GRAMD1B: variants seen among roughly 807,000 people sequenced by gnomAD.
The protein encoded by GRAMD1B is protein Aster-B.
Under a neutral mutation model 99.7 loss-of-function variants are expected in GRAMD1B, and 37 were observed. The ratio of observed to expected loss-of-function variants is 0.37; its 90% CI spans 0.29 to 0.49. The LOEUF (loss-of-function observed/expected upper bound fraction) is 0.49, where lower values mean the gene tolerates loss of function less well. Ranked by LOEUF, GRAMD1B falls within the 20% of genes least tolerant of loss-of-function variation. The pLI is 0.98. For missense variants in GRAMD1B, 888 were observed against 1,009.2 expected (o/e 0.88, Z 1.63); for synonymous variants, 427 against 387.6 (o/e 1.10, Z -1.19).
intron 1 of GRAMD1B, among the ~76,000 whole-genome samples, chr11:123,403,528 TTTTA>T (rs1947747854): frequency 6.6e-6 from 1 of 151,138 alleles, no homozygotes; most frequent in African/African-American, 2.4e-5. Flanking sequence ...TTGTTTTTTG[TTTTA>T]GTTTTTTGTT....
rs565779154 is a variant in GRAMD1B, at chr11:123,411,822, AT to A, written c.-176+53030del. Among the ~76,000 whole-genome samples the A allele has an allele frequency of 2.4e-4, 37 of 151,674 alleles. No homozygotes were observed. The South Asian group carries it at 6.5e-3, about 27-fold the overall frequency. ...ACCACCATGCTTGGGTAATTTTTGT[AT>A]TTTTTTGGTAGAGATGGGGTTTTGC... On this transcript the variant is annotated intron_variant, in intron 1 of 20. Transcript: ENST00000638157.
In GRAMD1B at chr11:123,605,436, C is replaced by T. The variant is rs1300473807; in HGVS notation, c.1281C>T (p.Asn427=). 1 of 1,613,362 alleles carries T rather than the reference C, an allele frequency of 6.2e-7. No homozygotes were observed. Among genetic ancestry groups the T allele is most frequent in the Non-Finnish European group, 8.5e-7 (1 of 1,179,602 alleles). ...AGCTGCCCAAGAAATCCATCACCAACAGCACACTAACATCCACAGGGAGCA... is the reference window on the plus strand; with the variant it reads ...AGCTGCCCAAGAAATCCATCACCAATAGCACACTAACATCCACAGGGAGCA... ...SPQLPKKSIT[N]STLTSTGSSE... is the part of the protein sequence containing the mutation. Residue 427 remains asparagine, a synonymous_variant, in exon 10 of 20, where the codon AAC becomes AAT. Transcript: ENST00000635736.
chr11:123,564,052 G>A (rs1292631743), intron 2 of GRAMD1B, among the ~76,000 whole-genome samples: 1 of 152,222 alleles, frequency 6.6e-6, no homozygotes, highest in African/African-American at 2.4e-5. Context: ...ATCCTGGTAG[G>A]CCAGTGAGGT....
chr11:123,372,233 C>T (rs929399197), intron 1 of GRAMD1B, among the ~76,000 whole-genome samples: 2 of 152,194 alleles, frequency 1.3e-5, no homozygotes, highest in Non-Finnish European at 2.9e-5. Flanking sequence ...CCCAATGATT[C>T]AGTTGTTACT....
At chr11:123,368,699 A>G (rs1241141159) in intron 1 of GRAMD1B, among the ~76,000 whole-genome samples, 2 of 150,294 alleles carry the variant, frequency 1.3e-5, no homozygotes, top group African/African-American at 4.9e-5. Flanking sequence ...AAAAAAAAAA[A>G]AAAGAAAGAA....
At chr11:123,437,022 C>A (rs539160038) in intron 1 of GRAMD1B, among the ~76,000 whole-genome samples, 1 of 152,070 alleles carries the variant, frequency 6.6e-6, no homozygotes, top group Non-Finnish European at 1.5e-5. Flanking sequence ...TTTGTCCTTG[C>A]GATAGTTTGC....
chr11:123,578,340 A>G, intron 3 of GRAMD1B: 1 of 1,308,744 alleles, frequency 7.6e-7, no homozygotes, highest in Non-Finnish European at 1.1e-6. Flanking sequence ...TTGTCTTTTG[A>G]TTTCTTGTTC....
rs1239448451 is a variant in GRAMD1B at position 123,492,288 on chromosome 11, T to G, written c.452+11395T>G. Among the ~76,000 whole-genome samples the G allele has an allele frequency of 1.3e-5, 2 of 152,184 alleles. No individual in the cohort carries two copies. Among genetic ancestry groups the G allele is most frequent in the African/African-American group, 4.8e-5 (2 of 41,456 alleles). ...AGGTGCGGTAGGGAACAGTGTAGTC[T>G]GCCTGTGTAGCATCCCCTGGACAGG... On this transcript the variant is annotated intron_variant, in intron 2 of 19. Coordinates refer to ENST00000635736, the MANE Select transcript of GRAMD1B (RefSeq NM_001387025.1). This position sits in a 1 kb window ranked among gnomAD's most constrained non-coding sequence, Gnocchi z 4.2.
chr11:123,456,940 AAAAG>A (rs1185654815), intron 1 of GRAMD1B, among the ~76,000 whole-genome samples: 2 of 149,344 alleles, frequency 1.3e-5, no homozygotes, highest in South Asian at 2.1e-4. Flanking sequence ...AAAAAAAAGA[AAAAG>A]AAAAGAAAGA....
intron 2 of GRAMD1B, among the ~76,000 whole-genome samples, chr11:123,524,904 A>T (rs561669002): frequency 1.9e-4 from 29 of 151,622 alleles, no homozygotes; most frequent in African/African-American, 6.3e-4. Context: ...ATAGAAAGGG[A>T]TCATATAGCC....
Position 123,598,034 on chromosome 11 carries a change from T to C in GRAMD1B, c.969+1997T>C. ...TTCATATTCTTCCTCAGTGTCAGGC[T>C]GCCATCATTCTGAAGCCTTCTGCAA... On this transcript the variant is annotated intron_variant, in intron 7 of 19. Transcript: ENST00000635736. The C allele has an allele frequency of 5.3e-6, 7 of 1,327,060 alleles. No individual in the cohort carries two copies. In the Admixed American group the frequency reaches 1.0e-4, roughly 19 times the overall value. 82.2% of individuals were successfully genotyped at this position (1,327,060 alleles called of 1,614,324 possible).
At chr11:123,540,913 A>G (rs968696807) in intron 2 of GRAMD1B, among the ~76,000 whole-genome samples, 1 of 151,978 alleles carries the variant, frequency 6.6e-6, no homozygotes, top group Non-Finnish European at 1.5e-5. Flanking sequence ...CATTGAGCTT[A>G]TCTGTAGTTT....
chr11:123,401,945 T>C (rs954499376), intron 1 of GRAMD1B, among the ~76,000 whole-genome samples: 4 of 152,082 alleles, frequency 2.6e-5, no homozygotes, highest in South Asian at 2.1e-4. Context: ...GAGGAGTCAG[T>C]GTGTCCATTG....
chr11:123,420,793 T>C (rs1287979696), intron 1 of GRAMD1B, among the ~76,000 whole-genome samples: 1 of 152,218 alleles, frequency 6.6e-6, no homozygotes, highest in African/African-American at 2.4e-5. Context: ...GGTTTAAATC[T>C]TGACCTCTGC....
chr11:123,551,203 G>C (rs1349329945), intron 2 of GRAMD1B, among the ~76,000 whole-genome samples: 1 of 152,208 alleles, frequency 6.6e-6, no homozygotes, highest in Non-Finnish European at 1.5e-5. Context: ...TCCTCTCCTG[G>C]ACTAGTCATT....
intron 1 of GRAMD1B, among the ~76,000 whole-genome samples, chr11:123,402,755 G>A (rs1159851008): frequency 1.3e-5 from 2 of 152,104 alleles, no homozygotes; most frequent in Non-Finnish European, 2.9e-5. Flanking sequence ...CAATGTTCTA[G>A]CTCCGTGAGG....
intron 2 of GRAMD1B, among the ~76,000 whole-genome samples, chr11:123,487,170 T>C (rs1214099602): frequency 1.3e-5 from 2 of 152,210 alleles, no homozygotes; most frequent in Non-Finnish European, 2.9e-5. Context: ...TCAACAGCCT[T>C]ATCAGGTACA....
intron 1 of GRAMD1B, among the ~76,000 whole-genome samples, chr11:123,374,851 T>A (rs1464428920): frequency 6.6e-6 from 1 of 152,188 alleles, no homozygotes; most frequent in African/African-American, 2.4e-5. Context: ...GTGGCGTCTG[T>A]CTTCCCCAAT....
rs749788301 is a variant in GRAMD1B at position 123,616,202 on chromosome 11, G to A, written c.2318+1367G>A. Among the ~76,000 whole-genome samples the A allele has an allele frequency of 3.6e-4, 55 of 152,098 alleles. 1 individual carries two copies. The highest frequency in any genetic ancestry group is 7.4e-4 in the Non-Finnish European group (50 of 68,018). On this transcript the variant is annotated intron_variant, in intron 17 of 19. Transcript: ENST00000635736. ...CCAGGCATGGTGGCAGGTGCCTGTA[G>A]TCCCAGCTACTCGGGAGGCTGAGGC...
Sources: allele counts gnomAD v4.1 joint callset (sites outside exome capture counted in the v4.1 genomes callset), GRCh38; gene constraint gnomAD v4.1.1; non-coding constraint Gnocchi (gnomAD v3.1); transcripts MANE v1.5; gene names NCBI Gene and HGNC (gene_info 2026-07-23, HGNC 2026-07-21).